The following PDE3B variants were observed in gnomAD, a reference collection of about 807,000 sequenced individuals.
PDE3B encodes phosphodiesterase 3B.
In PDE3B, 66 loss-of-function variants were observed where a neutral mutation model predicts 116.8. The observed-to-expected ratio is 0.56, with a 90% CI of 0.46 to 0.69. The LOEUF (loss-of-function observed/expected upper bound fraction) is 0.69. Ranked by LOEUF, PDE3B falls within the 30% of genes least tolerant of loss-of-function variation. The probability of loss-of-function intolerance (pLI) is 0.00; values close to 1 mark genes in which losing one functional copy is unlikely to be tolerated. For missense variants in PDE3B, 1,384 were observed against 1,368.1 expected (o/e 1.01, Z -0.18); for synonymous variants, 595 against 533.6 (o/e 1.12, Z -1.59).
chr11:14,771,618 AT>A (rs1857643644), intron 1 of PDE3B, among the ~76,000 whole-genome samples: 1 of 151,742 alleles, frequency 6.6e-6, no homozygotes, highest in Non-Finnish European at 1.5e-5. Context: ...AGAATATCTG[AT>A]GATATGTAAT....
chr11:14,667,501 T>C (rs1354358195), intron 1 of PDE3B, among the ~76,000 whole-genome samples: 1 of 151,328 alleles, frequency 6.6e-6, no homozygotes, highest in Non-Finnish European at 1.5e-5. Context: ...TGGAATACTA[T>C]GCAGCCATAA....
At chr11:14,892,349 C>G in the PDE3B span, 2 of 756,026 alleles carry the variant, frequency 2.6e-6, no homozygotes. Flanking sequence ...CGCTCAGGCC[C>G]CTTCGGGACA....
At chr11:14,895,846 G>T in the PDE3B span, among the ~76,000 whole-genome samples, 23 of 152,208 alleles carry the variant, frequency 1.5e-4, no homozygotes, top group Non-Finnish European at 1.2e-4. Context: ...GCTTATACAT[G>T]AATGAATTTA....
intron 7 of PDE3B, 54 bp from the exon 8 acceptor site, chr11:14,830,644 G>T: frequency 1.3e-6 from 1 of 751,064 alleles, no homozygotes; most frequent in Non-Finnish European, 2.0e-6. Context: ...ATGTAAAGCT[G>T]TACATATAGG....
intron 2 of PDE3B, chr11:14,776,628 G>GT (rs1456246669): frequency 2.7e-5 from 4 of 149,534 alleles, no homozygotes; most frequent in Admixed American, 1.3e-4. Flanking sequence ...AAAACTTAAA[G>GT]TATAATTAAA....
chr11:14,821,967 C>T (rs1378596659), intron 7 of PDE3B, among the ~76,000 whole-genome samples: 1 of 150,588 alleles, frequency 6.6e-6, no homozygotes. Context: ...AGTACAGTGG[C>T]ACAATCATGG....
chr11:14,756,201 T>TA (rs1391100013), intron 1 of PDE3B, among the ~76,000 whole-genome samples: 8 of 152,088 alleles, frequency 5.3e-5, no homozygotes, highest in African/African-American at 1.7e-4. Flanking sequence ...CTAAGAATGA[T>TA]AAAAAAGAAA....
At chr11:14,800,437 C>T (rs934991625) in intron 4 of PDE3B, among the ~76,000 whole-genome samples, 4 of 152,134 alleles carry the variant, frequency 2.6e-5, no homozygotes, top group Non-Finnish European at 4.4e-5. Flanking sequence ...TGCATTCCAG[C>T]CTGGGTGACA....
At chr11:14,824,446 C>G (rs1216811731) in intron 7 of PDE3B, among the ~76,000 whole-genome samples, 1 of 152,084 alleles carries the variant, frequency 6.6e-6, no homozygotes, top group African/African-American at 2.4e-5. Context: ...GAAAAGGAAC[C>G]TAACTGATCT....
chr11:14,898,944 G>C, the PDE3B span, among the ~76,000 whole-genome samples: 3 of 152,006 alleles, frequency 2.0e-5, no homozygotes, highest in Non-Finnish European at 4.4e-5. Flanking sequence ...GATTGCTTAA[G>C]ATGTCTTTCA....
rs151114784 is a variant in PDE3B, at chr11:14,707,098, A to C, written c.978+62045A>C. On this transcript the variant is annotated intron_variant, in intron 1 of 15. Transcript: ENST00000282096. ...ACACATAAAATAACAAGATAACTTC[A>C]GATAGTAATAAGTGATGAGAAGAAG... Among the ~76,000 whole-genome samples the C allele has an allele frequency of 4.1e-4, 63 of 152,084 alleles. 1 individual carries two copies. In the East Asian group the frequency reaches 0.012, roughly 29 times the overall value.
intron 12 of PDE3B, among the ~76,000 whole-genome samples, chr11:14,846,410 G>A (rs1418130132): frequency 1.3e-5 from 2 of 152,124 alleles, no homozygotes; most frequent in East Asian, 1.9e-4. Flanking sequence ...GACCATCGAG[G>A]CTAGGAAGAA....
intron 1 of PDE3B, among the ~76,000 whole-genome samples, chr11:14,754,447 A>G (rs188196999): frequency 1.1e-4 from 17 of 152,230 alleles, no homozygotes; most frequent in African/African-American, 4.1e-4. Context: ...CAATAACCTG[A>G]GTGTGTAGAT....
chr11:14,851,534 G>C (rs932590077), intron 12 of PDE3B, among the ~76,000 whole-genome samples: 141 of 151,744 alleles, frequency 9.3e-4, no homozygotes, highest in African/African-American at 3.3e-3. Context: ...GTGTGTGTGT[G>C]TTAATGGGTT....
At chr11:14,726,226 C>G (rs757038582) in intron 1 of PDE3B, among the ~76,000 whole-genome samples, 5 of 152,204 alleles carry the variant, frequency 3.3e-5, no homozygotes, top group Non-Finnish European at 7.4e-5. Context: ...GCCTATCATT[C>G]TGTATTCCCT....
intron 5 of PDE3B, among the ~76,000 whole-genome samples, chr11:14,816,620 T>A (rs988442483): frequency 2.0e-5 from 3 of 152,206 alleles, no homozygotes; most frequent in Non-Finnish European, 4.4e-5. Flanking sequence ...ACACTCTAGC[T>A]TCATTGAATT....
the PDE3B span, chr11:14,892,078 G>A: frequency 1.9e-6 from 3 of 1,611,740 alleles, no homozygotes; most frequent in Non-Finnish European, 2.5e-6. Context: ...CAGCCCCGGC[G>A]GCCCCGGGGG....
the PDE3B span, among the ~76,000 whole-genome samples, chr11:14,897,444 C>T: frequency 2.1e-4 from 32 of 152,226 alleles, no homozygotes; most frequent in Admixed American, 1.1e-3. Context: ...GAACCCCAAA[C>T]AATTTTTAAT....
At chr11:14,661,659 C>T (rs550794773) in intron 1 of PDE3B, among the ~76,000 whole-genome samples, 20 of 152,314 alleles carry the variant, frequency 1.3e-4, no homozygotes, top group South Asian at 2.1e-4. Context: ...GATTATATCC[C>T]GCACCTGGCT....
Sources: allele counts gnomAD v4.1 joint callset (sites outside exome capture counted in the v4.1 genomes callset), GRCh38; gene constraint gnomAD v4.1.1; transcripts MANE v1.5; gene names NCBI Gene and HGNC (gene_info 2026-07-23, HGNC 2026-07-21).